UBE2L6: variants seen among roughly 807,000 people sequenced by gnomAD.
UBE2L6 encodes ubiquitin conjugating enzyme E2 L6.
In UBE2L6, 11 loss-of-function variants were observed where a neutral mutation model predicts 13.6. The ratio of observed to expected loss-of-function variants is 0.81; its 90% CI spans 0.51 to 1.34. The LOEUF is 1.34. Among genes scored for constraint, UBE2L6 ranks in the 40% most tolerant of loss-of-function variants. The pLI is 0.00. For synonymous variants in UBE2L6, 74 were observed against 83.2 expected (o/e 0.89, Z 0.60); for missense variants, 197 against 199.5 (o/e 0.99, Z 0.07).
intron 1 of UBE2L6, chr11:57,560,663 C>G (rs1247313538): frequency 2.5e-6 from 1 of 399,664 alleles, no homozygotes; most frequent in Non-Finnish European, 4.6e-6. Context: ...CTCTGTTGCC[C>G]AGGCTGGAAT....
At position 57,560,396 on chromosome 11, in the gene UBE2L6, G is replaced by A. The variant is rs377454743; in HGVS notation, c.64C>T (p.Leu22=). Residue 22 remains leucine (L), a synonymous_variant, in exon 2 of 4, where the codon CTG becomes TTG. Coordinates refer to ENST00000287156, the MANE Select transcript of UBE2L6 (RefSeq NM_004223.5). The part of the protein sequence containing the change: ...EDLQKKPPPY[L]RNLSSDDANV... The stretch of plus-strand genomic sequence containing the variant: ...GCATCATCGCTGGACAGGTTCCGCA[G>A]GTATGGGGGAGGCTTCTTCTGAAGA... 6.2e-7 allele frequency: 1 copy of A among 1,613,954 alleles called. No homozygotes were observed. The highest frequency in any genetic ancestry group is 8.5e-7 in the Non-Finnish European group (1 of 1,179,980).
At chr11:57,565,356 GTTTTTTTTTT>G (rs370848897) in intron 1 of UBE2L6, among the ~76,000 whole-genome samples, 5 of 98,242 alleles carry the variant, frequency 5.1e-5, no homozygotes, top group African/African-American at 1.8e-4. Flanking sequence ...TGTATTAGTT[GTTTTTTTTTT>G]TTTTTTTTTT....
intron 2 of UBE2L6, among the ~76,000 whole-genome samples, chr11:57,555,115 G>T (rs796799933): frequency 6.6e-6 from 1 of 152,202 alleles, no homozygotes; most frequent in African/African-American, 2.4e-5. Flanking sequence ...TTTCTCAAAA[G>T]ATTAGACACA....
chr11:57,554,735 G>A (rs576687995), intron 2 of UBE2L6, 112 bp from the exon 3 acceptor site: 2 of 1,116,028 alleles, frequency 1.8e-6, no homozygotes, highest in Non-Finnish European at 2.6e-6. Flanking sequence ...CATGAGCCAG[G>A]ACACACACAG....
At position 57,553,299 on chromosome 11, in the gene UBE2L6, G is replaced by T. The variant is rs183523320; in HGVS notation, c.311-790C>A. On this transcript the variant is annotated intron_variant, in intron 3 of 3. Transcript: ENST00000287156. ...GCTTGAACTCACGAGTTTGAGACCA[G>T]CCTGGGCAATATGGCAAAACCTGGT... Among the ~76,000 whole-genome samples the T allele has an allele frequency of 9.8e-5, 15 of 152,364 alleles. No homozygotes were observed. The East Asian group carries it at 1.5e-3, about 16-fold the overall frequency.
At chr11:57,560,001 C>T (rs1945026009) in intron 2 of UBE2L6, among the ~76,000 whole-genome samples, 1 of 152,142 alleles carries the variant, frequency 6.6e-6, no homozygotes, top group African/African-American at 2.4e-5. Context: ...GAAGTTTATC[C>T]CTACCCCTTG....
At chr11:57,567,178 G>A in intron 1 of UBE2L6, 1 of 462,102 alleles carries the variant, frequency 2.2e-6, no homozygotes, top group Non-Finnish European at 4.3e-6. Context: ...TTATTCCAAG[G>A]CAAGGACTTC....
chr11:57,552,456 GC>G lies in UBE2L6; in HGVS notation c.363del (p.Arg122GlyfsTer8). On this transcript the variant is annotated frameshift_variant, in exon 4 of 4. Transcript: ENST00000287156. LOFTEE classifies it low-confidence loss of function (END_TRUNC). ...GTCAGCAGGTCAGCGAGGTCCATCC[GC>G]AGGGGCTCCCTGATATTCGGTCTAT... ...LVNRPNIREPLRMDLADLLTQ... is the reference protein window; with the variant it reads ...LVNRPNIREPXRMDLADLLTQ... 6.2e-7 allele frequency: 1 copy of G among 1,614,148 alleles called. No individual in the cohort carries two copies. The highest frequency in any genetic ancestry group is 8.5e-7 in the Non-Finnish European group (1 of 1,180,024).
At position 57,555,963 on chromosome 11, in the gene UBE2L6, AAAAC is replaced by A. The variant is rs767795191; in HGVS notation, c.124-1344_124-1341del. On this transcript the variant is annotated intron_variant, in intron 2 of 3. Transcript: ENST00000287156. ...TGTTATGTGTATTTTACTATGATTA[AAAAC>A]AAACAAACTCAGGGGCTGGAGTGAC... Among the ~76,000 whole-genome samples, 4 of 152,206 alleles carry A rather than the reference AAAAC, an allele frequency of 2.6e-5. No homozygotes were observed. In the East Asian group the frequency reaches 7.7e-4, roughly 29 times the overall value.
chr11:57,560,861 C>G (rs1945039857), intron 1 of UBE2L6, among the ~76,000 whole-genome samples: 1 of 151,840 alleles, frequency 6.6e-6, no homozygotes, highest in Non-Finnish European at 1.5e-5. Context: ...ACCTCGTGAT[C>G]CGCCCGCCTC....
chr11:57,560,528 T>A, intron 1 of UBE2L6, 96 bp from the exon 2 acceptor site: 1 of 909,824 alleles, frequency 1.1e-6, no homozygotes, highest in Non-Finnish European at 1.8e-6. Flanking sequence ...AGTTCAAAAC[T>A]GGCCATCTTA....
At chr11:57,564,712 A>G (rs1945073046) in intron 1 of UBE2L6, among the ~76,000 whole-genome samples, 1 of 152,100 alleles carries the variant, frequency 6.6e-6, no homozygotes, top group Non-Finnish European at 1.5e-5. Context: ...CTGAGGTAAG[A>G]GAATCACTTG....
At position 57,554,350 on chromosome 11, in the gene UBE2L6, T is replaced by A. The variant is rs1944981149; in HGVS notation, c.310+87A>T. 1.3e-5 allele frequency: 20 copies of A among 1,487,610 alleles called. No individual in the cohort carries two copies. The South Asian group carries it at 2.6e-4, about 19-fold the overall frequency. The allele number at this position is 1,487,610 out of a possible 1,614,324, so 92.2% of individuals were successfully genotyped here. The stretch of plus-strand genomic sequence containing the variant: ...AATTTTTATCTCCTCTCTTTGGGGC[T>A]TTTCAAGCTCAGAATAAGCTGTGAA... On this transcript the variant is annotated intron_variant, in intron 3 of 3. Coordinates refer to ENST00000287156, the MANE Select transcript of UBE2L6 (RefSeq NM_004223.5).
chr11:57,563,158 A>G (rs192408307), intron 1 of UBE2L6, among the ~76,000 whole-genome samples: 2 of 152,236 alleles, frequency 1.3e-5, no homozygotes, highest in Admixed American at 1.3e-4. Context: ...ATAAATTGAA[A>G]TAATTAAAAA....
intron 2 of UBE2L6, among the ~76,000 whole-genome samples, chr11:57,555,057 G>A (rs1017587793): frequency 3.3e-5 from 5 of 152,196 alleles, no homozygotes; most frequent in African/African-American, 9.6e-5. Context: ...GAACTCAGGA[G>A]CTTAGGAAAA....
chr11:57,567,127 T>C (rs1945099089), intron 1 of UBE2L6: 2 of 459,306 alleles, frequency 4.4e-6, no homozygotes, highest in South Asian at 3.1e-5. Flanking sequence ...TTCTCAGGAC[T>C]CTAGTAATAC....
intron 2 of UBE2L6, among the ~76,000 whole-genome samples, chr11:57,558,520 T>C (rs1244189126): frequency 2.0e-5 from 3 of 152,214 alleles, no homozygotes; most frequent in Non-Finnish European, 4.4e-5. Flanking sequence ...TTGGTTTCCA[T>C]CTCTGCAATT....
chr11:57,553,034 C>T (rs538340183), intron 3 of UBE2L6, among the ~76,000 whole-genome samples: 1 of 152,296 alleles, frequency 6.6e-6, no homozygotes, highest in East Asian at 1.9e-4. Flanking sequence ...AAGGACCACT[C>T]CTCTCCCTGC....
In UBE2L6 at chr11:57,552,314, TC is replaced by T. The variant is rs1944964753; in HGVS notation, c.*43del. 1.2e-6 allele frequency: 2 copies of T among 1,609,690 alleles called. No homozygotes were observed. Among genetic ancestry groups the T allele is most frequent in the Non-Finnish European group, 1.7e-6 (2 of 1,177,044 alleles). ...GGCCTCAGTCCATGAGGTGTGTCCGTCCGCTATGCCGAGGATCCAGTGCACA... is the reference window on the plus strand; with the variant it reads ...GGCCTCAGTCCATGAGGTGTGTCCGTCGCTATGCCGAGGATCCAGTGCACA... On this transcript the variant is annotated 3_prime_UTR_variant, in exon 4 of 4. Coordinates refer to ENST00000287156, the MANE Select transcript of UBE2L6 (RefSeq NM_004223.5).
Sources: allele counts gnomAD v4.1 joint callset (sites outside exome capture counted in the v4.1 genomes callset), GRCh38; gene constraint gnomAD v4.1.1; transcripts MANE v1.5; gene names NCBI Gene and HGNC (gene_info 2026-07-23, HGNC 2026-07-21).